SLC9C2: variants seen among roughly 807,000 people sequenced by gnomAD.
SLC9C2 encodes sodium/hydrogen exchanger 11.
A neutral mutation model predicts 140.2 loss-of-function variants in SLC9C2; 75 were observed. The observed-to-expected ratio is 0.53, with a 90% CI of 0.44 to 0.65. SLC9C2 has a LOEUF of 0.65. SLC9C2 is among the 30% of genes least tolerant of loss of function. The pLI, the probability that SLC9C2 is intolerant of heterozygous loss-of-function variation, is 0.00. For missense variants in SLC9C2, 1,074 were observed against 1,331.8 expected (o/e 0.81, Z 3.01); for synonymous variants, 375 against 420.9 (o/e 0.89, Z 1.34).
chr1:173,533,507 G>A, intron 17 of SLC9C2, 102 bp downstream of exon 17: 1 of 797,222 alleles, frequency 1.3e-6, no homozygotes. Context: ...CAAACTTCTG[G>A]ACTCAAGCAA....
chr1:173,540,079 A>T (rs1252997668), intron 13 of SLC9C2, among the ~76,000 whole-genome samples: 1 of 152,208 alleles, frequency 6.6e-6, no homozygotes, highest in Non-Finnish European at 1.5e-5. Flanking sequence ...CTGGAACTTA[A>T]GAGGCTTTGT....
intron 13 of SLC9C2, among the ~76,000 whole-genome samples, chr1:173,537,732 AG>A (rs140127129): frequency 0.014 from 2,157 of 152,272 alleles, 45 homozygotes; most frequent in African/African-American, 0.049. Context: ...GAGAGTGCAA[AG>A]TATTAATTCT....
rs576216843 is a variant in SLC9C2 at position 173,510,851 on chromosome 1, A to G, written c.2908-1152T>C. ...TTTATATTCCTTTGGGTATTTACCC[A>G]GTAATGGGATTGCTGGGTCAAATGG... On this transcript the variant is annotated intron_variant, in intron 23 of 27. Transcript: ENST00000367714. Among the ~76,000 whole-genome samples the G allele has an allele frequency of 5.3e-5, 8 of 152,268 alleles. No homozygotes were observed. The South Asian group carries it at 1.7e-3, about 32-fold the overall frequency.
At chr1:173,594,576 G>A (rs950446020) in intron 4 of SLC9C2, among the ~76,000 whole-genome samples, 1 of 152,122 alleles carries the variant, frequency 6.6e-6, no homozygotes, top group South Asian at 2.1e-4. Flanking sequence ...GTAGATGAGT[G>A]TAGAGAAGCA....
At chr1:173,560,792 T>G (rs1664054879) in intron 9 of SLC9C2, among the ~76,000 whole-genome samples, 1 of 152,168 alleles carries the variant, frequency 6.6e-6, no homozygotes, top group Non-Finnish European at 1.5e-5. Flanking sequence ...TTCTTTTTAA[T>G]TTTTAATTTT....
At chr1:173,553,753 A>T (rs1571546012) in intron 11 of SLC9C2, among the ~76,000 whole-genome samples, 1 of 152,160 alleles carries the variant, frequency 6.6e-6, no homozygotes, top group East Asian at 1.9e-4. Flanking sequence ...TGTGATATTT[A>T]TTGCATTATT....
At chr1:173,513,787 T>C (rs1660216019) in intron 23 of SLC9C2, among the ~76,000 whole-genome samples, 1 of 152,244 alleles carries the variant, frequency 6.6e-6, no homozygotes, top group Non-Finnish European at 1.5e-5. Context: ...GATGTGGGCA[T>C]TTAGTGCTAT....
At chr1:173,572,860 A>T (rs1664921525) in intron 9 of SLC9C2, among the ~76,000 whole-genome samples, 1 of 152,226 alleles carries the variant, frequency 6.6e-6, no homozygotes. Context: ...ACATGCATAC[A>T]AACTACCTGA....
At chr1:173,569,392 C>A (rs1327628985) in intron 9 of SLC9C2, among the ~76,000 whole-genome samples, 2 of 151,902 alleles carry the variant, frequency 1.3e-5, no homozygotes, top group Non-Finnish European at 2.9e-5. Flanking sequence ...TATCCGTGAT[C>A]TTTGGCAGTT....
chr1:173,538,521 G>A (rs1245578812), intron 13 of SLC9C2, among the ~76,000 whole-genome samples: 1 of 152,208 alleles, frequency 6.6e-6, no homozygotes, highest in Non-Finnish European at 1.5e-5. Flanking sequence ...TCACAATCTA[G>A]TGGGGCAGGG....
At chr1:173,580,202 A>T (rs1665438395) in intron 7 of SLC9C2, among the ~76,000 whole-genome samples, 1 of 152,152 alleles carries the variant, frequency 6.6e-6, no homozygotes, top group African/African-American at 2.4e-5. Context: ...TCGAGCTCTC[A>T]ACATAATGTC....
chr1:173,547,593 A>C lies in SLC9C2; in HGVS notation c.1557+96T>G, dbSNP rs1032818032. ...TAATTTTAACAATCAATAGACTATG[A>C]GAAGGTAAAGTTTTCAAGTCATCTG... is the stretch of plus-strand genomic sequence containing the variant. On this transcript the variant is annotated intron_variant, in intron 13 of 27. Transcript: ENST00000367714. 1.7e-5 allele frequency: 14 copies of C among 837,004 alleles called. 1 individual carries two copies. Among genetic ancestry groups the C allele is most frequent in the Admixed American group, 5.0e-5 (2 of 40,202 alleles). 51.8% of individuals were successfully genotyped at this position (837,004 alleles called of 1,614,324 possible).
Position 173,601,474 on chromosome 1 carries a change from A to G in SLC9C2, c.127+176T>C, listed in dbSNP as rs553539980. Among the ~76,000 whole-genome samples, 118 of 152,358 alleles carry G rather than the reference A, an allele frequency of 7.7e-4. 1 individual carries two copies. The South Asian group carries it at 0.024, about 30-fold the overall frequency. Reference sequence around the variant, plus strand: ...ATGCTCAGCAAATGTCACTGAATACAGGAATATAGAATAGACACTACTTAT... The same window carrying G: ...ATGCTCAGCAAATGTCACTGAATACGGGAATATAGAATAGACACTACTTAT... On this transcript the variant is annotated intron_variant, in intron 2 of 27. Coordinates refer to ENST00000367714, the MANE Select transcript of SLC9C2 (RefSeq NM_178527.4).
intron 9 of SLC9C2, among the ~76,000 whole-genome samples, chr1:173,559,997 CA>C (rs1663989903): frequency 6.6e-6 from 1 of 152,182 alleles, no homozygotes; most frequent in Admixed American, 6.5e-5. Context: ...CCGAATCTAC[CA>C]AGCTTGTCTG....
intron 5 of SLC9C2, among the ~76,000 whole-genome samples, chr1:173,583,996 C>T (rs180766635): frequency 1.3e-5 from 2 of 152,242 alleles, no homozygotes; most frequent in East Asian, 3.9e-4. Context: ...AATTCTACTC[C>T]TAGGTATATA....
At chr1:173,594,357 G>T (rs575363554) in intron 4 of SLC9C2, among the ~76,000 whole-genome samples, 1 of 152,150 alleles carries the variant, frequency 6.6e-6, no homozygotes, top group Non-Finnish European at 1.5e-5. Context: ...AGATAAATAT[G>T]CTAATTACCC....
At position 173,571,135 on chromosome 1, in the gene SLC9C2, A is replaced by G. The variant is rs552016118; in HGVS notation, c.1046+2047T>C. 9.8e-5 allele frequency among the ~76,000 whole-genome samples: 15 copies of G among 152,326 alleles called. No individual in the cohort carries two copies. In the East Asian group the frequency reaches 2.3e-3, roughly 23 times the overall value. ...TTCTATTCATCAGCCATCTTGCTCC[A>G]TCCTCAGTAAACATTTTAAAAGCTA... On this transcript the variant is annotated intron_variant, in intron 9 of 27. Transcript: ENST00000367714.
At chr1:173,513,663 T>C (rs1461935168) in intron 23 of SLC9C2, among the ~76,000 whole-genome samples, 9 of 152,222 alleles carry the variant, frequency 5.9e-5, no homozygotes, top group Admixed American at 5.2e-4. Flanking sequence ...TCATTTCTGC[T>C]CTGATATTAG....
chr1:173,598,281 G>T (rs1666557337), intron 3 of SLC9C2, among the ~76,000 whole-genome samples: 1 of 152,146 alleles, frequency 6.6e-6, no homozygotes, highest in Admixed American at 6.5e-5. Flanking sequence ...ACTGCTTGTG[G>T]TGTGCAATCA....
Sources: gnomAD v4.1 joint callset for allele counts (sites outside exome capture counted in the v4.1 genomes callset) on GRCh38, gnomAD v4.1.1 for gene constraint, MANE v1.5 for transcripts, NCBI Gene and HGNC (gene_info 2026-07-23, HGNC 2026-07-21) for gene names.